DLC1: variants seen among roughly 807,000 people sequenced by gnomAD.
DLC1 encodes DLC1 Rho GTPase activating protein, also known as rho GTPase-activating protein 7.
In DLC1, 54 loss-of-function variants were observed where a neutral mutation model predicts 140.3. The ratio of observed to expected loss-of-function variants is 0.38; its 90% CI spans 0.31 to 0.48. The LOEUF (loss-of-function observed/expected upper bound fraction) is 0.48. Among genes scored for constraint, DLC1 ranks in the 20% least tolerant of loss-of-function variants. The pLI is 0.96. For missense variants in DLC1, 2,536 were observed against 1,907.0 expected (o/e 1.33, Z -6.14); for synonymous variants, 986 against 728.1 (o/e 1.35, Z -5.70).
intron 5 of DLC1, among the ~76,000 whole-genome samples, chr8:13,134,633 T>C (rs928804883): frequency 8.5e-5 from 13 of 152,162 alleles, no homozygotes; most frequent in Admixed American, 5.2e-4. Context: ...TACAGAAGAC[T>C]CTTCTCCCAT....
At chr8:13,427,051 C>T (rs1838620913) in intron 2 of DLC1, among the ~76,000 whole-genome samples, 1 of 152,172 alleles carries the variant, frequency 6.6e-6, no homozygotes, top group South Asian at 2.1e-4. Flanking sequence ...CTGCTGTTTG[C>T]TGATTCCACA....
chr8:13,337,233 A>T (rs755719608), intron 4 of DLC1, among the ~76,000 whole-genome samples: 31 of 152,304 alleles, frequency 2.0e-4, no homozygotes, highest in Non-Finnish European at 4.3e-4. Context: ...TGTGGATATC[A>T]TTTCCATAAC....
intron 4 of DLC1, among the ~76,000 whole-genome samples, chr8:13,371,088 G>C (rs1251766184): frequency 6.6e-6 from 1 of 152,168 alleles, no homozygotes; most frequent in Non-Finnish European, 1.5e-5. Context: ...GGATGACAAA[G>C]GTAAGCACCA....
chr8:13,457,735 G>T (rs17093580), intron 2 of DLC1, among the ~76,000 whole-genome samples: 16,820 of 149,896 alleles, frequency 0.11, 1,115 homozygotes, highest in African/African-American at 0.16. Context: ...CCCTTCTTTG[G>T]AGTCAGGTGG....
At chr8:13,435,052 C>T (rs1585102291) in intron 2 of DLC1, among the ~76,000 whole-genome samples, 1 of 152,070 alleles carries the variant, frequency 6.6e-6, no homozygotes, top group Non-Finnish European at 1.5e-5. Flanking sequence ...TTTGATAGAT[C>T]TAGGTAAAGT....
Position 13,283,762 on chromosome 8 carries a change from G to A in DLC1, c.1348+21507C>T, listed in dbSNP as rs140401676. 4.1e-4 allele frequency among the ~76,000 whole-genome samples: 62 copies of A among 152,214 alleles called. 1 individual carries two copies. In the East Asian group the frequency reaches 9.3e-3, roughly 23 times the overall value. On this transcript the variant is annotated intron_variant, in intron 5 of 17. Coordinates refer to ENST00000276297, the MANE Select transcript of DLC1 (RefSeq NM_182643.3). Reference sequence around the variant, plus strand: ...ACTCATGGGCTCAAACGATTCTCCCGCCTCTGCCTCCCAAAGTGTTGGGAT... The same window carrying A: ...ACTCATGGGCTCAAACGATTCTCCCACCTCTGCCTCCCAAAGTGTTGGGAT...
At chr8:13,348,162 T>C (rs1239097802) in intron 4 of DLC1, among the ~76,000 whole-genome samples, 1 of 152,160 alleles carries the variant, frequency 6.6e-6, no homozygotes, top group Non-Finnish European at 1.5e-5. Context: ...CAGGGGATTT[T>C]ATCATCTTGT....
At chr8:13,529,855 T>G (rs1352278609) in intron 1 of DLC1, among the ~76,000 whole-genome samples, 2 of 152,176 alleles carry the variant, frequency 1.3e-5, no homozygotes, top group Admixed American at 1.3e-4. Context: ...TTTTTTCTAT[T>G]GTGAGCTCAA....
At chr8:13,522,939 C>A (rs559725652) in intron 1 of DLC1, among the ~76,000 whole-genome samples, 1 of 152,016 alleles carries the variant, frequency 6.6e-6, no homozygotes, top group Non-Finnish European at 1.5e-5. Context: ...GAAGCGTGTG[C>A]CTGGCAGTTT....
chr8:13,495,408 C>T (rs1369942558), intron 2 of DLC1, among the ~76,000 whole-genome samples: 1 of 152,194 alleles, frequency 6.6e-6, no homozygotes, highest in African/African-American at 2.4e-5. Context: ...TAACCAGCCG[C>T]CTCACCCCAG....
intron 1 of DLC1, among the ~76,000 whole-genome samples, chr8:13,555,906 A>G (rs1274307205): frequency 6.6e-6 from 1 of 152,102 alleles, no homozygotes; most frequent in Non-Finnish European, 1.5e-5. Flanking sequence ...TTTTCCCCTG[A>G]ACTTTCTAAA....
Position 13,500,036 on chromosome 8 carries a change from T to A in DLC1, c.36A>T (p.Glu12Asp). ...GCTGTCCCATCCAGTGGGTCACATGTTCTTCCCAGCTTCTCTTTCTGATAG... is the reference window on the plus strand; with the variant it reads ...GCTGTCCCATCCAGTGGGTCACATGATCTTCCCAGCTTCTCTTTCTGATAG... ...SVAIRKRSWE[E>D]HVTHWMGQPF... is the part of the protein sequence containing the mutation. The change falls in exon 2 of 18, where the codon GAA (glutamate) becomes GAT (aspartate). Residue 12 changes from glutamate (E) to aspartate (D), a missense_variant. Coordinates refer to ENST00000276297, the MANE Select transcript of DLC1 (RefSeq NM_182643.3). 1 of 1,614,022 alleles carries A rather than the reference T, an allele frequency of 6.2e-7. No homozygotes were observed. Among genetic ancestry groups the A allele is most frequent in the Non-Finnish European group, 8.5e-7 (1 of 1,179,904 alleles).
In DLC1 at chr8:13,453,032, A is replaced by G. The variant is rs146315530; in HGVS notation, c.1023+46017T>C. Among the ~76,000 whole-genome samples the G allele has an allele frequency of 2.6e-3, 402 of 152,116 alleles. 2 individuals are homozygous for G. The highest frequency in any genetic ancestry group is 8.9e-3 in the African/African-American group (369 of 41,492). On this transcript the variant is annotated intron_variant, in intron 2 of 17. Transcript: ENST00000276297. ...ATAGTCACAACCTCACTTTTTCCTC[A>G]CAAAACCCTATCAGGCAATTTAATC...
intron 2 of DLC1, among the ~76,000 whole-genome samples, chr8:13,437,408 G>A (rs1046383065): frequency 2.0e-5 from 3 of 152,200 alleles, no homozygotes; most frequent in African/African-American, 7.2e-5. Context: ...TCTTTCGAAA[G>A]TCAAAATATG....
At chr8:13,424,205 A>C (rs541532432) in intron 2 of DLC1, among the ~76,000 whole-genome samples, 46 of 152,252 alleles carry the variant, frequency 3.0e-4, no homozygotes, top group Non-Finnish European at 4.7e-4. Context: ...TAATGATAAA[A>C]ATAAAAATCA....
chr8:13,364,024 G>C (rs1002094419), intron 4 of DLC1, among the ~76,000 whole-genome samples: 7 of 152,126 alleles, frequency 4.6e-5, no homozygotes, highest in South Asian at 4.1e-4. Flanking sequence ...GGGAGAGGTA[G>C]GGGTGTGTGT....
At chr8:13,199,184 T>C (rs908255558) in intron 5 of DLC1, among the ~76,000 whole-genome samples, 15 of 135,954 alleles carry the variant, frequency 1.1e-4, no homozygotes, top group African/African-American at 1.5e-4. Context: ...TTTCTTTTTT[T>C]TTTTTTTTTT....
rs1023066408 is a variant in DLC1, at chr8:13,260,468, G to T, written c.1348+44801C>A. ...TAAGGCCACCTGTAGAAGATGAATG[G>T]ATAGGAAAGAATAGATAATGAAGTT... On this transcript the variant is annotated intron_variant, in intron 5 of 17. Coordinates refer to ENST00000276297, the MANE Select transcript of DLC1 (RefSeq NM_182643.3). Among the ~76,000 whole-genome samples, 3 of 152,170 alleles carry T rather than the reference G, an allele frequency of 2.0e-5. No homozygotes were observed. The East Asian group carries it at 5.8e-4, about 29-fold the overall frequency.
chr8:13,566,790 A>C, intron 1 of DLC1: 1 of 668,268 alleles, frequency 1.5e-6, no homozygotes, highest in South Asian at 2.9e-5. Context: ...GCGGAGGAAA[A>C]GGCGGGACGC....
Sources: gnomAD v4.1 joint callset for allele counts (sites outside exome capture counted in the v4.1 genomes callset) on GRCh38, gnomAD v4.1.1 for gene constraint, MANE v1.5 for transcripts, NCBI Gene and HGNC (gene_info 2026-07-23, HGNC 2026-07-21) for gene names.